Variants in TNKS1BP1 observed in about 807,000 individuals in gnomAD.
TNKS1BP1 encodes CCR4-NOT transcription complex subunit 12, also known as 182 kDa tankyrase-1-binding protein.
In TNKS1BP1, 48 loss-of-function variants were observed where a neutral mutation model predicts 141.1. That is an observed-to-expected ratio of 0.34 (90% CI 0.27 to 0.43). TNKS1BP1 has a LOEUF of 0.43. Among genes scored for constraint, TNKS1BP1 ranks in the 20% least tolerant of loss-of-function variants. TNKS1BP1 has a pLI of 1.00. For missense variants in TNKS1BP1, 2,149 were observed against 2,226.0 expected, an observed-to-expected ratio of 0.97 and a Z score of 0.70; for synonymous variants, 875 against 898.2, an observed-to-expected ratio of 0.97 and a Z score of 0.46.
In TNKS1BP1 at chr11:57,302,474, G is replaced by C. The variant is rs767277824; in HGVS notation, c.4668C>G (p.Asp1556Glu). Residue 1556 changes from aspartate to glutamate, a missense_variant, in exon 7 of 12, where the codon GAC (aspartate) becomes GAG (glutamate). By Grantham distance (45) the Asp-to-Glu change is conservative. Transcript: ENST00000358252. The surrounding 1 kb of genome is among the most constrained non-coding windows in gnomAD (Gnocchi z 5.5). ...QGPPARSPSQ[D>E]FSFIEDTEIL... ...CTCCACTGACCTCAATGAAGGAGAA[G>C]TCCTGACTGGGGGATCTGGCAGGAG... 2 of 1,602,074 alleles carry C rather than the reference G, an allele frequency of 1.2e-6. No homozygotes were observed. The highest frequency in any genetic ancestry group is 1.7e-5 in the Admixed American group (1 of 59,582).
At chr11:57,324,466 T>G (rs1408720698) in intron 1 of TNKS1BP1, among the ~76,000 whole-genome samples, 1 of 18,612 alleles carries the variant, frequency 5.4e-5, no homozygotes, top group African/African-American at 2.3e-4. Flanking sequence ...CGGACTGGGG[T>G]GGCTGGGGGC....
In TNKS1BP1 at chr11:57,309,310, C is replaced by G; in HGVS notation, c.3401G>C (p.Gly1134Ala). The G allele has an allele frequency of 6.2e-7, 1 of 1,614,190 alleles. No individual in the cohort carries two copies. The highest frequency in any genetic ancestry group is 1.7e-5 in the Admixed American group (1 of 60,034). The change falls in exon 6 of 12, where the codon GGT (glycine) becomes GCT (alanine). Residue 1134 changes from glycine (G) to alanine (A), a missense_variant. By Grantham distance (60) the Gly-to-Ala change is moderately conservative (BLOSUM62 0). Coordinates refer to ENST00000358252, the MANE Select transcript of TNKS1BP1 (RefSeq NM_033396.3). This position sits in a 1 kb window ranked among gnomAD's most constrained non-coding sequence, Gnocchi z 4.3. ...CTTGCTAGAAGGGCTAAAGCCAGCACCACTCACTCTGTCGTTGCCAATGAT... is the reference window on the plus strand; with the variant it reads ...CTTGCTAGAAGGGCTAAAGCCAGCAGCACTCACTCTGTCGTTGCCAATGAT... ...FGIIGNDRVSGAGFSPSSKME... is the reference protein window; with the variant it reads ...FGIIGNDRVSAAGFSPSSKME...
In TNKS1BP1 at chr11:57,313,024, T is replaced by C; in HGVS notation, c.1664A>G (p.Lys555Arg). 6.2e-7 allele frequency: 1 copy of C among 1,613,942 alleles called. No homozygotes were observed. Among genetic ancestry groups the C allele is most frequent in the East Asian group, 2.2e-5 (1 of 44,878 alleles). The change falls in exon 5 of 12, where the codon AAG becomes AGG. Residue 555 changes from lysine (K) to arginine (R), a missense_variant. Coordinates refer to ENST00000358252, the MANE Select transcript of TNKS1BP1 (RefSeq NM_033396.3). ...TTGAGGTTGACTCTCCCCATCGCCC[T>C]TCTGGGTGAGGGACATGCTTGGATC... ...GDDPSMSLTQ[K>R]GDGESQPQFP...
At position 57,309,784 on chromosome 11, in the gene TNKS1BP1, C is replaced by T; in HGVS notation, c.2927G>A (p.Ser976Asn). 6.2e-7 allele frequency: 1 copy of T among 1,614,194 alleles called. No individual in the cohort carries two copies. Reference sequence around the variant, plus strand: ...AGAGCTCAGGGGTCTCGTTCCAAAGCTTCTGTCCTGGGCGTCAAGGGTCCT... The same window carrying T: ...AGAGCTCAGGGGTCTCGTTCCAAAGTTTCTGTCCTGGGCGTCAAGGGTCCT... The part of the protein sequence containing the change: ...SSRTLDAQDR[S>N]FGTRPLSSGF... Residue 976 changes from serine (S) to asparagine (N), a missense_variant, in exon 6 of 12, where the codon AGC (serine) becomes AAC (asparagine). Physicochemically the swap from Ser to Asn is conservative, Grantham distance 46. Coordinates refer to ENST00000358252, the MANE Select transcript of TNKS1BP1 (RefSeq NM_033396.3). The surrounding 1 kb of genome is among the most constrained non-coding windows in gnomAD (Gnocchi z 4.3).
rs2134363314 is a variant in TNKS1BP1 at position 57,313,135 on chromosome 11, G to T, written c.1553C>A (p.Ser518Tyr). ...CTGAGACACTCCTTCTTCCCTGCTG[G>T]AAACGGCCAAGTTGCCAGCCTCAGC... ...EAAEAGNLAV[S>Y]SREEGVSQQG... The change falls in exon 5 of 12, where the codon TCC becomes TAC. Residue 518 changes from serine to tyrosine, a missense_variant. Coordinates refer to ENST00000358252, the MANE Select transcript of TNKS1BP1 (RefSeq NM_033396.3). 3 of 1,613,174 alleles carry T rather than the reference G, an allele frequency of 1.9e-6. No homozygotes were observed. The East Asian group carries it at 6.7e-5, about 36-fold the overall frequency.
chr11:57,313,696 C>A lies in TNKS1BP1; in HGVS notation c.992G>T (p.Cys331Phe). The A allele has an allele frequency of 4.4e-6, 7 of 1,580,650 alleles. No homozygotes were observed. The highest frequency in any genetic ancestry group is 1.8e-5 in the Admixed American group (1 of 54,094). Reference protein sequence around the residue: ...QTPEASQASPCPAVTPSAPSA... With the variant: ...QTPEASQASPFPAVTPSAPSA... ...TGGAGCTGATGGAGTCACAGCGGGG[C>A]AGGGAGAAGCCTGGGAAGCTTCAGG... Residue 331 changes from cysteine (C) to phenylalanine (F), a missense_variant, in exon 5 of 12, where the codon TGC (cysteine) becomes TTC (phenylalanine). Cys to Phe is a radical substitution (Grantham distance 205). Coordinates refer to ENST00000358252, the MANE Select transcript of TNKS1BP1 (RefSeq NM_033396.3).
Position 57,299,768 on chromosome 11 carries a change from G to A in TNKS1BP1, c.*326C>T, listed in dbSNP as rs1855497585. Reference sequence around the variant, plus strand: ...AGTCCCACCCATTATAAAAATCAAAGGCTTTTATAAAAAATGCTATAAATT... The same window carrying A: ...AGTCCCACCCATTATAAAAATCAAAAGCTTTTATAAAAAATGCTATAAATT... On this transcript the variant is annotated 3_prime_UTR_variant, in exon 12 of 12. Transcript: ENST00000358252. 6.5e-6 allele frequency: 1 copy of A among 154,644 alleles called. No individual in the cohort carries two copies. The highest frequency in any genetic ancestry group is 2.4e-5 in the African/African-American group (1 of 41,474). The allele number at this position is 154,644 out of a possible 1,614,324, so 9.6% of individuals were successfully genotyped here.
At chr11:57,321,323 A>G (rs1374456608) in intron 2 of TNKS1BP1, among the ~76,000 whole-genome samples, 1 of 152,170 alleles carries the variant, frequency 6.6e-6, no homozygotes, top group Non-Finnish European at 1.5e-5. Context: ...GGGAAGAAAA[A>G]AAAAAACAGG....
At chr11:57,318,952 G>T (rs921498174) in intron 3 of TNKS1BP1, among the ~76,000 whole-genome samples, 1 of 152,052 alleles carries the variant, frequency 6.6e-6, no homozygotes, top group Non-Finnish European at 1.5e-5. Context: ...AGACCATCCT[G>T]GCTAACACAG....
chr11:57,307,939 G>A (rs540622871), intron 6 of TNKS1BP1, among the ~76,000 whole-genome samples: 7 of 152,286 alleles, frequency 4.6e-5, no homozygotes, highest in Admixed American at 2.0e-4. Context: ...TTGAGAACCC[G>A]TGGGTTCCAC....
In TNKS1BP1 at chr11:57,309,336, G is replaced by A. The variant is rs1855665591; in HGVS notation, c.3375C>T (p.Gly1125=). ...CACTCACTCTGTCGTTGCCAATGATGCCAAACTGATAGCTCCTCTCACTGG... is the reference window on the plus strand; with the variant it reads ...CACTCACTCTGTCGTTGCCAATGATACCAAACTGATAGCTCCTCTCACTGG... The part of the protein sequence containing the change: ...IEASERSYQF[G]IIGNDRVSGA... The change falls in exon 6 of 12, where the codon GGC becomes GGT. Residue 1125 remains glycine (G), a synonymous_variant. Coordinates refer to ENST00000358252, the MANE Select transcript of TNKS1BP1 (RefSeq NM_033396.3). The surrounding 1 kb of genome is among the most constrained non-coding windows in gnomAD (Gnocchi z 4.3). 1 of 1,613,998 alleles carries A rather than the reference G, an allele frequency of 6.2e-7. No homozygotes were observed. Among genetic ancestry groups the A allele is most frequent in the African/African-American group, 1.3e-5 (1 of 74,928 alleles).
intron 3 of TNKS1BP1, among the ~76,000 whole-genome samples, chr11:57,318,856 T>C (rs1421782610): frequency 6.6e-6 from 1 of 152,234 alleles, no homozygotes; most frequent in Non-Finnish European, 1.5e-5. Context: ...TCAAGATGTG[T>C]TCCTCTCGCA....
chr11:57,320,072 C>T lies in TNKS1BP1; in HGVS notation c.728+7G>A, dbSNP rs1051670581. On this transcript the variant is annotated splice_region_variant and intron_variant, in intron 3 of 11. Transcript: ENST00000358252. ...TGCCACAAAATATACAACCTCCCAC[C>T]CTTCACCTCTCCTCAGGGGTCTTGC... The T allele has an allele frequency of 1.9e-6, 3 of 1,612,284 alleles. No homozygotes were observed. Among genetic ancestry groups the T allele is most frequent in the African/African-American group, 1.3e-5 (1 of 74,858 alleles).
chr11:57,321,696 ATCAC>A (rs1855888313), intron 2 of TNKS1BP1, 92 bp downstream of exon 2: 1 of 1,421,988 alleles, frequency 7.0e-7, no homozygotes, highest in African/African-American at 1.4e-5. Flanking sequence ...CAACAGAATC[ATCAC>A]TCAACCACCC....
Position 57,317,799 on chromosome 11 carries a change from T to C in TNKS1BP1, c.798+19A>G. ...CTCTAAAATACGTGATTCTGATTCA[T>C]AACTGGAGGATAACTCACATCAGCA... On this transcript the variant is annotated intron_variant, in intron 4 of 11. Coordinates refer to ENST00000358252, the MANE Select transcript of TNKS1BP1 (RefSeq NM_033396.3). 1 of 1,610,982 alleles carries C rather than the reference T, an allele frequency of 6.2e-7. No individual in the cohort carries two copies. Among genetic ancestry groups the C allele is most frequent in the African/African-American group, 1.3e-5 (1 of 74,994 alleles).
chr11:57,317,180 G>A (rs942465050), intron 4 of TNKS1BP1, among the ~76,000 whole-genome samples: 7 of 152,146 alleles, frequency 4.6e-5, no homozygotes, highest in African/African-American at 1.4e-4. Flanking sequence ...CTCCTAACAG[G>A]CGCTCAGTCA....
Position 57,302,325 on chromosome 11 carries a change from C to A in TNKS1BP1, c.4684-101G>T. ...AGCTGGACCCCTCCTGCAGCCGGAG[C>A]TTCACGTTCACGTGACGCACCTACA... is the stretch of plus-strand genomic sequence containing the variant. On this transcript the variant is annotated intron_variant, in intron 7 of 11. Transcript: ENST00000358252. The surrounding 1 kb of genome is among the most constrained non-coding windows in gnomAD (Gnocchi z 5.5). 6.5e-7 allele frequency: 1 copy of A among 1,540,560 alleles called. No homozygotes were observed. Among genetic ancestry groups the A allele is most frequent in the Non-Finnish European group, 8.8e-7 (1 of 1,142,042 alleles).
At chr11:57,314,460 T>C (rs1855768032) in intron 4 of TNKS1BP1, among the ~76,000 whole-genome samples, 1 of 152,126 alleles carries the variant, frequency 6.6e-6, no homozygotes, top group Non-Finnish European at 1.5e-5. Context: ...CTGGGGGGTG[T>C]GACAGCGCCT....
At chr11:57,314,214 C>T (rs1203710086) in intron 4 of TNKS1BP1, among the ~76,000 whole-genome samples, 1 of 152,220 alleles carries the variant, frequency 6.6e-6, no homozygotes, top group Non-Finnish European at 1.5e-5. Flanking sequence ...GGCCACAGTT[C>T]GGGGTCCATA....
Sources: allele counts gnomAD v4.1 joint callset (sites outside exome capture counted in the v4.1 genomes callset), GRCh38; gene constraint gnomAD v4.1.1; non-coding constraint Gnocchi (gnomAD v3.1); transcripts MANE v1.5; gene names NCBI Gene and HGNC (gene_info 2026-07-23, HGNC 2026-07-21).